SCAI: variants seen among roughly 807,000 people sequenced by gnomAD.
The protein encoded by SCAI is protein SCAI.
In SCAI, 24 loss-of-function variants were observed where a neutral mutation model predicts 92.2. That is an observed-to-expected ratio of 0.26 (90% CI 0.19 to 0.37). The LOEUF is 0.37. Ranked by LOEUF, SCAI falls within the 10% of genes least tolerant of loss-of-function variation. SCAI has a pLI of 1.00. For missense variants in SCAI, 450 were observed against 736.2 expected (o/e 0.61, Z 4.50); for synonymous variants, 261 against 258.6 (o/e 1.01, Z -0.09).
chr9:125,085,994 G>A (rs924568975), intron 2 of SCAI, among the ~76,000 whole-genome samples: 9 of 152,230 alleles, frequency 5.9e-5, no homozygotes, highest in African/African-American at 2.2e-4. Flanking sequence ...AACATAAGTA[G>A]ACAGTAATTT....
chr9:125,046,212 T>TATATATATATATATAC, intron 3 of SCAI, among the ~76,000 whole-genome samples: 1 of 128,316 alleles, frequency 7.8e-6, no homozygotes, highest in East Asian at 2.4e-4. Flanking sequence ...TATATATATA[T>TATATATATATATATAC]ATATATATAT....
intron 17 of SCAI, among the ~76,000 whole-genome samples, chr9:124,966,518 A>C (rs1173665451): frequency 3.3e-5 from 5 of 152,196 alleles, no homozygotes; most frequent in African/African-American, 1.2e-4. Flanking sequence ...GTGTGCATAA[A>C]TTTTAATCAT....
intron 3 of SCAI, among the ~76,000 whole-genome samples, chr9:125,042,341 G>A (rs1230990557): frequency 3.3e-5 from 5 of 152,026 alleles, no homozygotes; most frequent in South Asian, 4.2e-4. Flanking sequence ...CAAATATAAC[G>A]TTGAGATATC....
intron 2 of SCAI, among the ~76,000 whole-genome samples, chr9:125,099,448 T>A (rs1057235402): frequency 2.0e-5 from 3 of 152,044 alleles, no homozygotes; most frequent in Admixed American, 6.6e-5. Flanking sequence ...CCTGGCTAAT[T>A]TTTTTGTATT....
At chr9:125,129,152 G>T (rs1835343473) in intron 2 of SCAI, among the ~76,000 whole-genome samples, 1 of 151,164 alleles carries the variant, frequency 6.6e-6, no homozygotes, top group Admixed American at 6.6e-5. Context: ...AATGAAGAGG[G>T]AATGAGACAG....
At chr9:125,044,799 G>A (rs192554372) in intron 3 of SCAI, among the ~76,000 whole-genome samples, 1 of 152,254 alleles carries the variant, frequency 6.6e-6, no homozygotes, top group African/African-American at 2.4e-5. Context: ...TCCTCTTTGG[G>A]GCTTGTGGTT....
chr9:125,047,279 C>A (rs957213408), intron 3 of SCAI, among the ~76,000 whole-genome samples: 5 of 152,096 alleles, frequency 3.3e-5, no homozygotes, highest in Non-Finnish European at 7.4e-5. Flanking sequence ...GCAAAGATGA[C>A]CATGTGAGGG....
At chr9:125,046,252 T>C (rs1460289923) in intron 3 of SCAI, among the ~76,000 whole-genome samples, 4 of 119,242 alleles carry the variant, frequency 3.4e-5, no homozygotes, top group African/African-American at 1.2e-4. Flanking sequence ...TACATATATA[T>C]ACACATATAT....
At chr9:125,049,811 A>T (rs1457117151) in intron 3 of SCAI, among the ~76,000 whole-genome samples, 1 of 152,188 alleles carries the variant, frequency 6.6e-6, no homozygotes, top group African/African-American at 2.4e-5. Context: ...CCTTTCATGC[A>T]CTGAAATGCC....
At chr9:125,110,432 G>C (rs372579195) in intron 2 of SCAI, among the ~76,000 whole-genome samples, 1 of 152,168 alleles carries the variant, frequency 6.6e-6, no homozygotes, top group Non-Finnish European at 1.5e-5. Context: ...ATCACTTGAG[G>C]CCAGGAGTTC....
At chr9:124,988,624 A>G (rs911875630) in intron 14 of SCAI, among the ~76,000 whole-genome samples, 1 of 152,284 alleles carries the variant, frequency 6.6e-6, no homozygotes. Flanking sequence ...GAAGATAAAG[A>G]TGAGGGGATT....
chr9:124,944,466 A>ATTT lies in SCAI; in HGVS notation c.*8338_*8340dup, dbSNP rs71374207. On this transcript the variant is annotated 3_prime_UTR_variant, in exon 18 of 18. Transcript: ENST00000336505. ...AGGCGCACACCACCATGCCTGGCTAATTTTTTTTTTTTTTTTTTTTTTTTT... is the reference window on the plus strand; with the variant it reads ...AGGCGCACACCACCATGCCTGGCTAATTTTTTTTTTTTTTTTTTTTTTTTTTTT... The ATTT allele has an allele frequency of 0.026, 2,191 of 84,666 alleles. 83 individuals carry two copies. The highest frequency in any genetic ancestry group is 0.07 in the African/African-American group (1,440 of 20,434). 5.2% of individuals were successfully genotyped at this position (84,666 alleles called of 1,614,324 possible). A position where few individuals can be genotyped will look rare whatever the true frequency, so the allele number is the denominator to read the frequency against.
intron 2 of SCAI, among the ~76,000 whole-genome samples, chr9:125,110,739 C>A (rs754755342): frequency 1.3e-5 from 2 of 152,124 alleles, no homozygotes; most frequent in Non-Finnish European, 2.9e-5. Context: ...GAACTGTGAG[C>A]CAATTAAGCC....
At chr9:125,032,170 AATATAT>A (rs1195663083) in intron 3 of SCAI, among the ~76,000 whole-genome samples, 22 of 118,698 alleles carry the variant, frequency 1.9e-4, no homozygotes, top group East Asian at 5.1e-4. Context: ...TAGTAAAATG[AATATAT>A]ATATATATAT....
intron 2 of SCAI, among the ~76,000 whole-genome samples, chr9:125,077,555 C>T (rs181933363): frequency 6.6e-6 from 1 of 152,288 alleles, no homozygotes; most frequent in African/African-American, 2.4e-5. Flanking sequence ...TACCATTTCA[C>T]ACATGCAGCA....
intron 3 of SCAI, among the ~76,000 whole-genome samples, chr9:125,036,204 C>T (rs1416478841): frequency 1.3e-5 from 2 of 151,696 alleles, no homozygotes; most frequent in Non-Finnish European, 2.9e-5. Context: ...AGAGTGGTAA[C>T]GTAAATTCAG....
intron 6 of SCAI, among the ~76,000 whole-genome samples, chr9:125,022,041 T>C (rs1043801327): frequency 2.6e-5 from 4 of 152,200 alleles, no homozygotes; most frequent in Non-Finnish European, 5.9e-5. Context: ...GAAAATAACA[T>C]ATATACTGTT....
chr9:125,136,042 A>G (rs948049679), intron 2 of SCAI, among the ~76,000 whole-genome samples: 1 of 151,944 alleles, frequency 6.6e-6, no homozygotes, highest in African/African-American at 2.4e-5. Context: ...CATATGTAAT[A>G]TAACTGTCAA....
chr9:125,076,426 G>T (rs1004658534), intron 2 of SCAI, among the ~76,000 whole-genome samples: 1 of 152,058 alleles, frequency 6.6e-6, no homozygotes, highest in Non-Finnish European at 1.5e-5. Context: ...TTGAACCCAG[G>T]GGGTGGAGGT....
Sources: allele counts gnomAD v4.1 joint callset (sites outside exome capture counted in the v4.1 genomes callset), GRCh38; gene constraint gnomAD v4.1.1; transcripts MANE v1.5; gene names NCBI Gene and HGNC (gene_info 2026-07-23, HGNC 2026-07-21).